The following PDSS2 variants were observed in gnomAD, a reference collection of about 807,000 sequenced individuals.
PDSS2 encodes decaprenyl diphosphate synthase subunit 2.
Under a neutral mutation model 44.5 loss-of-function variants are expected in PDSS2, and 31 were observed. The ratio of observed to expected loss-of-function variants is 0.70; its 90% CI spans 0.52 to 0.94. The LOEUF (loss-of-function observed/expected upper bound fraction) is 0.94, where lower values mean the gene tolerates loss of function less well. PDSS2 is among the 40% of genes least tolerant of loss of function. The pLI, the probability that PDSS2 is intolerant of heterozygous loss-of-function variation, is 0.00. For missense variants in PDSS2, 452 were observed against 482.2 expected, an observed-to-expected ratio of 0.94 and a Z score of 0.59; for synonymous variants, 157 against 180.3, an observed-to-expected ratio of 0.87 and a Z score of 1.03.
intron 1 of PDSS2, among the ~76,000 whole-genome samples, chr6:107,370,995 C>A (rs143274649): frequency 6.6e-6 from 1 of 152,024 alleles, no homozygotes; most frequent in Non-Finnish European, 1.5e-5. Context: ...CCAGCCTGAC[C>A]GACATGGTGA....
intron 1 of PDSS2, among the ~76,000 whole-genome samples, chr6:107,415,209 C>T (rs1199519179): frequency 1.3e-5 from 2 of 151,886 alleles, no homozygotes; most frequent in African/African-American, 4.8e-5. Flanking sequence ...ACTCCTAAGC[C>T]CACCTAAGCT....
chr6:107,434,051 C>T (rs762896426), intron 1 of PDSS2, among the ~76,000 whole-genome samples: 16 of 152,094 alleles, frequency 1.1e-4, no homozygotes, highest in African/African-American at 3.1e-4. Context: ...AAAACTACAA[C>T]GAGATATCAT....
intron 1 of PDSS2, among the ~76,000 whole-genome samples, chr6:107,376,120 T>C (rs962217328): frequency 6.6e-6 from 1 of 152,214 alleles, no homozygotes; most frequent in African/African-American, 2.4e-5. Flanking sequence ...CATTGATTTA[T>C]ATTTCTGTTT....
At chr6:107,284,647 G>C (rs1776082095) in intron 2 of PDSS2, among the ~76,000 whole-genome samples, 1 of 129,734 alleles carries the variant, frequency 7.7e-6, no homozygotes, top group South Asian at 2.6e-4. Flanking sequence ...GAGGACAAGA[G>C]AAAGACTTCG....
intron 6 of PDSS2, among the ~76,000 whole-genome samples, chr6:107,203,812 C>T (rs150608065): frequency 7.9e-5 from 12 of 152,270 alleles, no homozygotes; most frequent in African/African-American, 1.7e-4. Flanking sequence ...CAGTCTCTCC[C>T]GCTTCGCCTC....
At chr6:107,231,580 G>T (rs1774051708) in intron 4 of PDSS2, among the ~76,000 whole-genome samples, 1 of 152,104 alleles carries the variant, frequency 6.6e-6, no homozygotes, top group African/African-American at 2.4e-5. Context: ...CTTTATCAAA[G>T]ATCTTACTGT....
Position 107,200,137 on chromosome 6 carries a change from A to G in PDSS2, c.1009-6283T>C, listed in dbSNP as rs1163649231. ...GATCTCCAGAGAGATTTCAAGACAT[A>G]CACCTCAAAATTTCAGGGATTAAAG... On this transcript the variant is annotated intron_variant, in intron 6 of 7. Transcript: ENST00000369037. Among the ~76,000 whole-genome samples the G allele has an allele frequency of 2.6e-5, 4 of 152,190 alleles. No individual in the cohort carries two copies. The East Asian group carries it at 7.7e-4, about 29-fold the overall frequency.
chr6:107,235,987 T>C (rs1290532356), intron 4 of PDSS2, among the ~76,000 whole-genome samples: 1 of 151,722 alleles, frequency 6.6e-6, no homozygotes, highest in Non-Finnish European at 1.5e-5. Flanking sequence ...GAGGTCCCTA[T>C]AAAAGAGGAT....
At chr6:107,327,544 A>G (rs149905887) in intron 2 of PDSS2, among the ~76,000 whole-genome samples, 140 of 152,256 alleles carry the variant, frequency 9.2e-4, no homozygotes, top group African/African-American at 3.2e-3. Context: ...TGCAACCTCC[A>G]CCTCCCAGGT....
chr6:107,372,360 T>C lies in PDSS2; in HGVS notation c.297-38028A>G, dbSNP rs79427354. ...GCTATTCTAAGAATTTCTAGGCACA[T>C]TGCATTTAGGGTAAATTCAGAGGAA... On this transcript the variant is annotated intron_variant, in intron 1 of 7. Coordinates refer to ENST00000369037, the MANE Select transcript of PDSS2 (RefSeq NM_020381.4). Among the ~76,000 whole-genome samples, 841 of 152,288 alleles carry C rather than the reference T, an allele frequency of 5.5e-3. 12 individuals are homozygous for C. The highest frequency in any genetic ancestry group is 0.036 in the East Asian group (186 of 5,180).
At chr6:107,234,314 T>C (rs1360148166) in intron 4 of PDSS2, among the ~76,000 whole-genome samples, 1 of 152,082 alleles carries the variant, frequency 6.6e-6, no homozygotes, top group African/African-American at 2.4e-5. Flanking sequence ...CCAGCGATTC[T>C]CCTGCCTCAG....
At chr6:107,182,428 G>A (rs1772016817) in intron 7 of PDSS2, among the ~76,000 whole-genome samples, 3 of 152,144 alleles carry the variant, frequency 2.0e-5, no homozygotes, top group Admixed American at 6.6e-5. Flanking sequence ...GGGTTCAGGC[G>A]ATTCTCTTGC....
chr6:107,308,199 A>G (rs189177477), intron 2 of PDSS2, among the ~76,000 whole-genome samples: 7 of 152,258 alleles, frequency 4.6e-5, no homozygotes, highest in Non-Finnish European at 7.4e-5. Context: ...GAAATAGCCT[A>G]CTCCTGAGTT....
At chr6:107,309,331 G>T (rs965803125) in intron 2 of PDSS2, among the ~76,000 whole-genome samples, 3 of 152,212 alleles carry the variant, frequency 2.0e-5, no homozygotes, top group Non-Finnish European at 4.4e-5. Context: ...TTTGAAGAGA[G>T]CAGAGAAGCT....
In PDSS2 at chr6:107,186,642, T is replaced by A. The variant is rs144547033; in HGVS notation, c.1041+7180A>T. On this transcript the variant is annotated intron_variant, in intron 7 of 7. Coordinates refer to ENST00000369037, the MANE Select transcript of PDSS2 (RefSeq NM_020381.4). Reference sequence around the variant, plus strand: ...ACCCCCCAACAGGCCCTGGTGTGTGTTGTTCCCCTCCCTGTGTCCATGTGT... The same window carrying A: ...ACCCCCCAACAGGCCCTGGTGTGTGATGTTCCCCTCCCTGTGTCCATGTGT... Among the ~76,000 whole-genome samples, 665 of 152,142 alleles carry A rather than the reference T, an allele frequency of 4.4e-3. 3 individuals are homozygous for A. The highest frequency in any genetic ancestry group is 8.9e-3 in the African/African-American group (368 of 41,506).
At chr6:107,206,998 T>TC (rs1772999822) in intron 6 of PDSS2, among the ~76,000 whole-genome samples, 1 of 97,928 alleles carries the variant, frequency 1.0e-5, no homozygotes, top group South Asian at 4.4e-4. Flanking sequence ...CTATTATTGT[T>TC]TTTTTTTTTT....
intron 3 of PDSS2, among the ~76,000 whole-genome samples, chr6:107,266,032 T>C (rs987461412): frequency 6.6e-6 from 1 of 152,224 alleles, no homozygotes; most frequent in Non-Finnish European, 1.5e-5. Flanking sequence ...AAAAAAACCA[T>C]AGTTACTATT....
At chr6:107,457,998 T>A (rs969722662) in intron 1 of PDSS2, among the ~76,000 whole-genome samples, 1 of 152,164 alleles carries the variant, frequency 6.6e-6, no homozygotes, top group Non-Finnish European at 1.5e-5. Context: ...GAAAGATATA[T>A]ACACGTGAAT....
intron 7 of PDSS2, among the ~76,000 whole-genome samples, chr6:107,182,799 T>G (rs1003868474): frequency 6.6e-6 from 1 of 152,180 alleles, no homozygotes; most frequent in African/African-American, 2.4e-5. Context: ...AAAAACAGAT[T>G]AAAGAGAATC....
Sources: gnomAD v4.1 joint callset for allele counts (sites outside exome capture counted in the v4.1 genomes callset) on GRCh38, gnomAD v4.1.1 for gene constraint, MANE v1.5 for transcripts, NCBI Gene and HGNC (gene_info 2026-07-23, HGNC 2026-07-21) for gene names.